DACH1: variants seen among roughly 807,000 people sequenced by gnomAD.
The protein encoded by DACH1 is dachshund family transcription factor 1.
A neutral mutation model predicts 54.2 loss-of-function variants in DACH1; 12 were observed. That is an observed-to-expected ratio of 0.22 (90% CI 0.14 to 0.36). The LOEUF is 0.36. Among genes scored for constraint, DACH1 ranks in the 10% least tolerant of loss-of-function variants. DACH1 has a pLI of 1.00. For synonymous variants in DACH1, 386 were observed against 366.2 expected (o/e 1.05, Z -0.62); for missense variants, 805 against 929.8 (o/e 0.87, Z 1.75).
chr13:71,624,624 A>AC (rs1372995082), intron 3 of DACH1, among the ~76,000 whole-genome samples: 6 of 151,976 alleles, frequency 3.9e-5, no homozygotes, highest in African/African-American at 1.4e-4. Context: ...AAACAAACAA[A>AC]AAAACTTTCT....
chr13:71,730,324 T>A (rs1463700015), intron 1 of DACH1, among the ~76,000 whole-genome samples: 1 of 152,180 alleles, frequency 6.6e-6, no homozygotes, highest in Non-Finnish European at 1.5e-5. Flanking sequence ...CAACTTATTC[T>A]CCAAGAGGAA....
intron 1 of DACH1, among the ~76,000 whole-genome samples, chr13:71,864,868 C>T (rs1874616443): frequency 6.6e-6 from 1 of 152,044 alleles, no homozygotes; most frequent in Non-Finnish European, 1.5e-5. Flanking sequence ...AGCCAAGGCA[C>T]AGAGTATCAG....
At chr13:71,753,162 G>A (rs1884998572) in intron 1 of DACH1, among the ~76,000 whole-genome samples, 1 of 152,156 alleles carries the variant, frequency 6.6e-6, no homozygotes, top group Non-Finnish European at 1.5e-5. Context: ...TGAATGGATT[G>A]CCACACCAAA....
intron 1 of DACH1, among the ~76,000 whole-genome samples, chr13:71,764,354 T>C (rs9572781): frequency 0.15 from 22,874 of 152,080 alleles, 3,572 homozygotes; most frequent in East Asian, 0.85. Context: ...ATGATAGTGC[T>C]TGTGAACAGC....
chr13:71,802,983 C>A lies in DACH1; in HGVS notation c.848+62939G>T, dbSNP rs550168788. ...CCTTCTGCTTCCAACATTTACCCAG[C>A]GTTTATAGAAAATAAACTTTTCTCA... is the stretch of plus-strand genomic sequence containing the variant. On this transcript the variant is annotated intron_variant, in intron 1 of 10. Coordinates refer to ENST00000613252, the MANE Select transcript of DACH1 (RefSeq NM_080759.6). 4.3e-4 allele frequency among the ~76,000 whole-genome samples: 66 copies of A among 152,128 alleles called. 1 individual carries two copies. The highest frequency in any genetic ancestry group is 1.6e-3 in the African/African-American group (65 of 41,534).
At chr13:71,689,045 T>C (rs1881334635) in intron 1 of DACH1, among the ~76,000 whole-genome samples, 2 of 152,188 alleles carry the variant, frequency 1.3e-5, no homozygotes, top group Non-Finnish European at 2.9e-5. Context: ...AAACCTGCCA[T>C]TGCTAGTGAG....
intron 1 of DACH1, among the ~76,000 whole-genome samples, chr13:71,717,642 C>T (rs983311929): frequency 6.6e-6 from 1 of 151,756 alleles, no homozygotes; most frequent in African/African-American, 2.4e-5. Flanking sequence ...TTTAAATTGT[C>T]CATTTCGTAA....
intron 1 of DACH1, among the ~76,000 whole-genome samples, chr13:71,711,400 T>C (rs2138778909): frequency 6.6e-6 from 1 of 152,276 alleles, no homozygotes; most frequent in South Asian, 2.1e-4. Flanking sequence ...TCTTGAATAG[T>C]TGAGGTAAGT....
intron 4 of DACH1, among the ~76,000 whole-genome samples, chr13:71,570,585 G>T (rs1346021136): frequency 6.6e-6 from 1 of 152,116 alleles, no homozygotes; most frequent in African/African-American, 2.4e-5. Context: ...ATGTAACCAA[G>T]TTTCTGAAAA....
rs757570915 is a variant in DACH1, at chr13:71,489,123, G to T, written c.1596C>A (p.Thr532=). 1.2e-6 allele frequency: 2 copies of T among 1,613,394 alleles called. No individual in the cohort carries two copies. Among genetic ancestry groups the T allele is most frequent in the East Asian group, 4.5e-5 (2 of 44,862 alleles). ...EKDETPLSTP[T]ARDSLDKLSL... ...AGAGTTTGTCAAGGCTGTCTCTTGC[G>T]GTTGGTGTAGAAAGCGGGGTCTCAT... Residue 532 remains threonine (T), a synonymous_variant, in exon 7 of 11, where the codon ACC becomes ACA. Coordinates refer to ENST00000613252, the MANE Select transcript of DACH1 (RefSeq NM_080759.6).
intron 6 of DACH1, among the ~76,000 whole-genome samples, chr13:71,493,747 A>C (rs1458852142): frequency 6.6e-6 from 1 of 152,108 alleles, no homozygotes; most frequent in Non-Finnish European, 1.5e-5. Context: ...CTTTTTATAA[A>C]AATTTATAAA....
intron 2 of DACH1, among the ~76,000 whole-genome samples, chr13:71,666,558 GATTT>G (rs1255655679): frequency 2.0e-5 from 3 of 151,982 alleles, no homozygotes; most frequent in East Asian, 1.9e-4. Flanking sequence ...CATTTTATTG[GATTT>G]ATTATAAAAA....
At chr13:71,506,612 A>G (rs1256624041) in intron 6 of DACH1, among the ~76,000 whole-genome samples, 1 of 152,090 alleles carries the variant, frequency 6.6e-6, no homozygotes, top group East Asian at 1.9e-4. Flanking sequence ...ATCCTAAGCC[A>G]AAAGAACAAA....
At position 71,810,204 on chromosome 13, in the gene DACH1, ACAAAAACGTTAT is replaced by A. The variant is rs1255363440; in HGVS notation, c.848+55706_848+55717del. On this transcript the variant is annotated intron_variant, in intron 1 of 10. Coordinates refer to ENST00000613252, the MANE Select transcript of DACH1 (RefSeq NM_080759.6). ...AGATAATTCAGTTTTTATCTAGTTC[ACAAAAACGTTAT>A]CACTTAGAAAGAATTAATCCATTTA... Among the ~76,000 whole-genome samples the A allele has an allele frequency of 3.3e-5, 5 of 152,306 alleles. No individual in the cohort carries two copies. In the East Asian group the frequency reaches 9.6e-4, roughly 29 times the overall value.
intron 3 of DACH1, among the ~76,000 whole-genome samples, chr13:71,599,032 G>T (rs61957830): frequency 6.6e-6 from 1 of 151,854 alleles, no homozygotes; most frequent in Non-Finnish European, 1.5e-5. Flanking sequence ...TTATATAAGG[G>T]TATAGCTCTA....
At chr13:71,810,756 G>A (rs76872988) in intron 1 of DACH1, among the ~76,000 whole-genome samples, 150 of 152,188 alleles carry the variant, frequency 9.9e-4, no homozygotes, top group African/African-American at 3.4e-3. Flanking sequence ...TACTTGTGGA[G>A]TACACAGTAC....
intron 1 of DACH1, among the ~76,000 whole-genome samples, chr13:71,700,082 T>A (rs936963552): frequency 1.3e-5 from 2 of 152,178 alleles, no homozygotes; most frequent in Non-Finnish European, 2.9e-5. Flanking sequence ...GAAAAGTGTG[T>A]GTGCGTGCAT....
intron 1 of DACH1, among the ~76,000 whole-genome samples, chr13:71,751,772 T>C (rs1884940531): frequency 6.6e-6 from 1 of 152,176 alleles, no homozygotes; most frequent in Admixed American, 6.5e-5. Context: ...TAAAATAATA[T>C]GCTTCATCTC....
intron 1 of DACH1, among the ~76,000 whole-genome samples, chr13:71,732,459 C>G (rs771340420): frequency 1.7e-4 from 26 of 151,762 alleles, no homozygotes; most frequent in Non-Finnish European, 3.1e-4. Flanking sequence ...GTGGTCGGTA[C>G]CTGTAATCCC....
Sources: gnomAD v4.1 joint callset for allele counts (sites outside exome capture counted in the v4.1 genomes callset) on GRCh38, gnomAD v4.1.1 for gene constraint, MANE v1.5 for transcripts, NCBI Gene and HGNC (gene_info 2026-07-23, HGNC 2026-07-21) for gene names.